Variants in WASF2 observed in about 807,000 individuals in gnomAD.
WASF2 encodes the protein WASP family member 2, also known as actin-binding protein WASF2.
In WASF2, 14 loss-of-function variants were observed where a neutral mutation model predicts 45.0. The observed-to-expected ratio is 0.31, with a 90% CI of 0.21 to 0.49. The LOEUF is 0.49. Ranked by LOEUF, WASF2 falls within the 20% of genes least tolerant of loss-of-function variation. The probability of loss-of-function intolerance (pLI) is 0.99; values close to 1 mark genes in which losing one functional copy is unlikely to be tolerated. For synonymous variants in WASF2, 200 were observed against 236.3 expected (o/e 0.85, Z 1.41); for missense variants, 439 against 636.1 (o/e 0.69, Z 3.33).
chr1:27,474,860 G>A (rs1354952925), intron 1 of WASF2, among the ~76,000 whole-genome samples: 1 of 152,186 alleles, frequency 6.6e-6, no homozygotes, highest in Admixed American at 6.6e-5. Context: ...GCTGAGGTGG[G>A]AGGATCACTT....
At chr1:27,449,326 G>A (rs1359676234) in intron 1 of WASF2, among the ~76,000 whole-genome samples, 4 of 152,182 alleles carry the variant, frequency 2.6e-5, no homozygotes, top group African/African-American at 4.8e-5. Flanking sequence ...GGCCAGGTGC[G>A]GTAGCTCACG....
Position 27,410,307 on chromosome 1 carries a change from A to G in WASF2, c.825-101T>C, listed in dbSNP as rs986815390. The G allele has an allele frequency of 2.6e-6, 4 of 1,511,812 alleles. No individual in the cohort carries two copies. Among genetic ancestry groups the G allele is most frequent in the African/African-American group, 2.8e-5 (2 of 72,502 alleles). The allele number at this position is 1,511,812 out of a possible 1,614,324, so 93.6% of individuals were successfully genotyped here. On this transcript the variant is annotated intron_variant, in intron 7 of 8. Transcript: ENST00000618852. The surrounding 1 kb of genome is among the most constrained non-coding windows in gnomAD (Gnocchi z 4.2). ...AGACCGAGGTTTATCTTGGTTGACT[A>G]TACCATTTCACTTTCACTTAAACAG...
intron 1 of WASF2, among the ~76,000 whole-genome samples, chr1:27,481,707 G>C (rs1303633630): frequency 4.0e-5 from 6 of 151,558 alleles, no homozygotes; most frequent in Admixed American, 1.3e-4. Context: ...CTGGGCGACA[G>C]AGCAAGACTC....
intron 1 of WASF2, among the ~76,000 whole-genome samples, chr1:27,454,940 C>T (rs2017448064): frequency 6.6e-6 from 1 of 151,976 alleles, no homozygotes; most frequent in Non-Finnish European, 1.5e-5. Flanking sequence ...TGTTTTTGTA[C>T]ATGTCTCCTG....
chr1:27,427,836 G>C (rs1028850362), intron 2 of WASF2, among the ~76,000 whole-genome samples: 13 of 152,152 alleles, frequency 8.5e-5, no homozygotes, highest in Middle Eastern at 3.2e-3. Context: ...TGCTAAGGAA[G>C]ATCACTAAAA....
At chr1:27,417,336 C>T (rs913392689) in intron 4 of WASF2, among the ~76,000 whole-genome samples, 1 of 152,148 alleles carries the variant, frequency 6.6e-6, no homozygotes, top group Admixed American at 6.5e-5. Context: ...ATGCTGGTCC[C>T]TTTGAAAGCC....
At chr1:27,454,992 G>A (rs1462379049) in intron 1 of WASF2, among the ~76,000 whole-genome samples, 1 of 152,044 alleles carries the variant, frequency 6.6e-6, no homozygotes, top group Non-Finnish European at 1.5e-5. Flanking sequence ...ACCCAGGAGT[G>A]GAATTTCTGG....
intron 1 of WASF2, among the ~76,000 whole-genome samples, chr1:27,431,258 C>T (rs1397665677): frequency 3.3e-5 from 5 of 152,184 alleles, no homozygotes; most frequent in Admixed American, 1.3e-4. Flanking sequence ...CTGAATTCCC[C>T]CTTTGACCCC....
chr1:27,415,849 T>A, intron 5 of WASF2, 136 bp downstream of exon 5: 1 of 714,672 alleles, frequency 1.4e-6, no homozygotes, highest in Non-Finnish European at 2.4e-6. Flanking sequence ...TGTGGACACA[T>A]TTTTTTAAGA....
At chr1:27,470,189 CAG>C (rs1249119778) in intron 1 of WASF2, among the ~76,000 whole-genome samples, 1 of 152,150 alleles carries the variant, frequency 6.6e-6, no homozygotes, top group Non-Finnish European at 1.5e-5. Context: ...TAGTGGGAAA[CAG>C]AGCTGGAAAG....
chr1:27,421,815 C>CA lies in WASF2; in HGVS notation c.131-2728dup, dbSNP rs1187066008. On this transcript the variant is annotated intron_variant, in intron 2 of 8. Coordinates refer to ENST00000618852, the MANE Select transcript of WASF2 (RefSeq NM_006990.5). Reference sequence around the variant, plus strand: ...TAGGTGAGACAGCGAGACTCCATCTCAAAAAAAAAAATTAGCTGGGCGTGG... The same window carrying CA: ...TAGGTGAGACAGCGAGACTCCATCTCAAAAAAAAAAAATTAGCTGGGCGTGG... Among the ~76,000 whole-genome samples, 248 of 138,868 alleles carry CA rather than the reference C, an allele frequency of 1.8e-3. 2 individuals carry two copies. Among genetic ancestry groups the CA allele is most frequent in the Non-Finnish European group, 3.0e-3 (189 of 63,920 alleles). The allele number at this position is 138,868 out of a possible 152,430, so 91.1% of individuals were successfully genotyped here.
At chr1:27,418,232 C>T in intron 4 of WASF2, 37 bp downstream of exon 4, 1 of 1,594,740 alleles carries the variant, frequency 6.3e-7, no homozygotes, top group Non-Finnish European at 8.5e-7. Flanking sequence ...GTTATTAAAC[C>T]ATAGGTTGAA....
intron 1 of WASF2, among the ~76,000 whole-genome samples, chr1:27,481,956 AT>A (rs2017857609): frequency 6.6e-6 from 1 of 152,156 alleles, no homozygotes; most frequent in Non-Finnish European, 1.5e-5. Flanking sequence ...TCTGAACATT[AT>A]TTCTTCAGCA....
chr1:27,467,756 TA>T (rs1243576884), intron 1 of WASF2, among the ~76,000 whole-genome samples: 1 of 150,936 alleles, frequency 6.6e-6, no homozygotes, highest in African/African-American at 2.4e-5. Flanking sequence ...ACTAAAAATA[TA>T]AAAAACTAGC....
At chr1:27,458,036 G>A (rs1426388591) in intron 1 of WASF2, among the ~76,000 whole-genome samples, 1 of 151,958 alleles carries the variant, frequency 6.6e-6, no homozygotes, top group East Asian at 1.9e-4. Context: ...TTGGCTGGGC[G>A]CGGTGGCTCA....
At chr1:27,460,182 T>C (rs1301416053) in intron 1 of WASF2, among the ~76,000 whole-genome samples, 1 of 152,148 alleles carries the variant, frequency 6.6e-6, no homozygotes, top group African/African-American at 2.4e-5. Flanking sequence ...GTAGAAATCC[T>C]GTTAATAAAG....
chr1:27,487,591 TTATATAA>T lies in WASF2; in HGVS notation c.-44+2388_-44+2394del, dbSNP rs1183909467. Among the ~76,000 whole-genome samples the T allele has an allele frequency of 5.3e-5, 5 of 93,768 alleles. No individual in the cohort carries two copies. In the East Asian group the frequency reaches 7.9e-4, roughly 15 times the overall value. 61.5% of individuals were successfully genotyped at this position (93,768 alleles called of 152,430 possible). On this transcript the variant is annotated intron_variant, in intron 1 of 8. Transcript: ENST00000618852. ...ATATATAATATATATTATATATATT[TTATATAA>T]TATATAATATATATTATATATATTT...
In WASF2 at chr1:27,416,050, C is replaced by A. The variant is rs879873555; in HGVS notation, c.472G>T (p.Asp158Tyr). Residue 158 changes from aspartate to tyrosine, a missense_variant, in exon 5 of 9, where the codon GAT (aspartate) becomes TAT (tyrosine). Physicochemically the swap from Asp to Tyr is radical, Grantham distance 160. Coordinates refer to ENST00000618852, the MANE Select transcript of WASF2 (RefSeq NM_006990.5). ...KFYTDPSYFF[D>Y]LWKEKMLQDT... Reference sequence around the variant, plus strand: ...TGCAGCATCTTCTCCTTCCAAAGATCAAAGAAGTATGAAGGGTCTGTGTAG... The same window carrying A: ...TGCAGCATCTTCTCCTTCCAAAGATAAAAGAAGTATGAAGGGTCTGTGTAG... 2.5e-6 allele frequency: 4 copies of A among 1,613,964 alleles called. No individual in the cohort carries two copies. The highest frequency in any genetic ancestry group is 3.4e-6 in the Non-Finnish European group (4 of 1,180,006).
chr1:27,472,080 C>T (rs959503074), intron 1 of WASF2, among the ~76,000 whole-genome samples: 1 of 152,078 alleles, frequency 6.6e-6, no homozygotes, highest in Non-Finnish European at 1.5e-5. Context: ...TGCCTGTAAT[C>T]GCGGTACTTT....
Sources: allele counts gnomAD v4.1 joint callset (sites outside exome capture counted in the v4.1 genomes callset), GRCh38; gene constraint gnomAD v4.1.1; non-coding constraint Gnocchi (gnomAD v3.1); transcripts MANE v1.5; gene names NCBI Gene and HGNC (gene_info 2026-07-23, HGNC 2026-07-21).